The following PTPRD variants were observed in gnomAD, a reference collection of about 807,000 sequenced individuals.
PTPRD encodes the protein receptor-type tyrosine-protein phosphatase delta.
A neutral mutation model predicts 214.5 loss-of-function variants in PTPRD; 34 were observed. The ratio of observed to expected loss-of-function variants is 0.16; its 90% CI spans 0.12 to 0.21. The LOEUF is 0.21. PTPRD is among the 10% of genes least tolerant of loss of function. The pLI is 1.00. For missense variants in PTPRD, 2,545 were observed against 2,398.7 expected, an observed-to-expected ratio of 1.06 and a Z score of -1.27; for synonymous variants, 1,128 against 845.7, an observed-to-expected ratio of 1.33 and a Z score of -5.79.
intron 11 of PTPRD, among the ~76,000 whole-genome samples, chr9:8,746,160 G>A (rs1383700962): frequency 1.3e-5 from 2 of 152,124 alleles, no homozygotes. Flanking sequence ...TTGTGACAAG[G>A]TGGGAACGGG....
At chr9:10,596,224 G>A (rs905926462) in intron 2 of PTPRD, among the ~76,000 whole-genome samples, 2 of 151,704 alleles carry the variant, frequency 1.3e-5, no homozygotes, top group African/African-American at 2.4e-5. Context: ...GGAAATCAGA[G>A]TTTGACTACT....
At chr9:9,821,826 T>G (rs2050840687) in intron 5 of PTPRD, among the ~76,000 whole-genome samples, 1 of 151,596 alleles carries the variant, frequency 6.6e-6, no homozygotes, top group Admixed American at 6.6e-5. Flanking sequence ...GCTTACAACT[T>G]TTCACTTAAA....
At chr9:9,395,874 C>G (rs2067600946) in intron 9 of PTPRD, among the ~76,000 whole-genome samples, 1 of 152,088 alleles carries the variant, frequency 6.6e-6, no homozygotes, top group Non-Finnish European at 1.5e-5. Flanking sequence ...CTATCTACCC[C>G]CACAACCATT....
intron 3 of PTPRD, among the ~76,000 whole-genome samples, chr9:10,217,132 C>T (rs957022531): frequency 2.0e-5 from 3 of 151,978 alleles, no homozygotes; most frequent in South Asian, 2.1e-4. Flanking sequence ...AAACTAGCTT[C>T]CCACTAGATT....
chr9:9,907,715 A>C (rs1458165101), intron 5 of PTPRD, among the ~76,000 whole-genome samples: 1 of 151,956 alleles, frequency 6.6e-6, no homozygotes, highest in African/African-American at 2.4e-5. Context: ...CCAATTTCAG[A>C]AAATACTGTC....
intron 14 of PTPRD, among the ~76,000 whole-genome samples, chr9:8,630,655 T>C (rs2096224272): frequency 6.6e-6 from 1 of 151,864 alleles, no homozygotes; most frequent in South Asian, 2.1e-4. Context: ...TAAATTTTCA[T>C]ACAAGTATAC....
At chr9:10,570,919 A>G (rs1184295409) in intron 2 of PTPRD, among the ~76,000 whole-genome samples, 1 of 149,878 alleles carries the variant, frequency 6.7e-6, no homozygotes, top group Non-Finnish European at 1.5e-5. Context: ...TTCTTTCCAT[A>G]TATGGCTCCT....
chr9:9,435,732 A>C (rs1035990883), intron 8 of PTPRD, among the ~76,000 whole-genome samples: 5 of 152,190 alleles, frequency 3.3e-5, no homozygotes, highest in Non-Finnish European at 1.5e-5. Flanking sequence ...TAATATTAAT[A>C]TTTGGTTTTC....
chr9:8,540,421 G>T (rs1205314043), intron 14 of PTPRD, among the ~76,000 whole-genome samples: 1 of 151,836 alleles, frequency 6.6e-6, no homozygotes, highest in Non-Finnish European at 1.5e-5. Flanking sequence ...ATAAAATTAA[G>T]GCATAAGTAT....
At chr9:10,050,559 C>CAAAAAAAA (rs1164243746) in intron 3 of PTPRD, among the ~76,000 whole-genome samples, 410 of 14,004 alleles carry the variant, frequency 0.029, 90 homozygotes, top group East Asian at 0.038. Context: ...GAGTCTGTCT[C>CAAAAAAAA]AAAAAAAAAA....
In PTPRD at chr9:9,226,720, T is replaced by C. The variant is rs1255329483; in HGVS notation, c.-202-43357A>G. ...CTTTGACTATCTCACAGGGTTGCTA[T>C]GCAGAACATTTAAACTATAAGCTGC... On this transcript the variant is annotated intron_variant, in intron 9 of 45. Coordinates refer to ENST00000381196, the MANE Select transcript of PTPRD (RefSeq NM_002839.4). Among the ~76,000 whole-genome samples the C allele has an allele frequency of 2.0e-5, 3 of 152,102 alleles. No homozygotes were observed. In the East Asian group the frequency reaches 5.8e-4, roughly 29 times the overall value.
chr9:9,046,520 C>T (rs1459104856), intron 10 of PTPRD, among the ~76,000 whole-genome samples: 1 of 152,090 alleles, frequency 6.6e-6, no homozygotes, highest in Non-Finnish European at 1.5e-5. Context: ...AAAAGAAGAG[C>T]ATTTATGCAC....
intron 3 of PTPRD, among the ~76,000 whole-genome samples, chr9:10,077,147 G>T (rs1314992648): frequency 6.6e-6 from 1 of 152,118 alleles, no homozygotes; most frequent in African/African-American, 2.4e-5. Context: ...TTGATAAAAT[G>T]TTATGTAACA....
At chr9:8,845,688 C>T (rs2097679202) in intron 11 of PTPRD, among the ~76,000 whole-genome samples, 1 of 152,170 alleles carries the variant, frequency 6.6e-6, no homozygotes, top group South Asian at 2.1e-4. Flanking sequence ...GTCCACAGCT[C>T]AACATAAACA....
intron 12 of PTPRD, among the ~76,000 whole-genome samples, chr9:8,637,913 T>C (rs983369295): frequency 6.6e-6 from 1 of 152,134 alleles, no homozygotes; most frequent in Non-Finnish European, 1.5e-5. Context: ...TATGTGGGGA[T>C]AGCAGATAAT....
chr9:8,511,410 A>G (rs893367021), intron 21 of PTPRD, among the ~76,000 whole-genome samples: 1 of 150,748 alleles, frequency 6.6e-6, no homozygotes. Context: ...TAATCACTAC[A>G]CATCACGGTT....
intron 7 of PTPRD, among the ~76,000 whole-genome samples, chr9:9,617,929 G>T (rs1024023210): frequency 6.6e-6 from 1 of 151,204 alleles, no homozygotes; most frequent in Non-Finnish European, 1.5e-5. Context: ...AAAATTAGCC[G>T]GGCATGGTGG....
At chr9:10,157,169 C>T (rs1343519225) in intron 3 of PTPRD, among the ~76,000 whole-genome samples, 1 of 152,154 alleles carries the variant, frequency 6.6e-6, no homozygotes, top group Non-Finnish European at 1.5e-5. Flanking sequence ...TTGATTCTGT[C>T]ATCATGACAT....
At chr9:9,628,552 T>C (rs1269189035) in intron 7 of PTPRD, among the ~76,000 whole-genome samples, 2 of 152,058 alleles carry the variant, frequency 1.3e-5, no homozygotes, top group African/African-American at 4.8e-5. Context: ...ATCCTTTCAC[T>C]CCCCTTGGCA....
Sources: allele counts gnomAD v4.1 joint callset (sites outside exome capture counted in the v4.1 genomes callset), GRCh38; gene constraint gnomAD v4.1.1; transcripts MANE v1.5; gene names NCBI Gene and HGNC (gene_info 2026-07-23, HGNC 2026-07-21).